RB1: variants seen among roughly 807,000 people sequenced by gnomAD.
The protein encoded by RB1 is RB transcriptional corepressor 1, also known as retinoblastoma-associated protein.
RB1 carries 18 observed loss-of-function variants against 135.4 expected under a neutral mutation model. The ratio of observed to expected loss-of-function variants is 0.13; its 90% confidence interval spans 0.09 to 0.20. The LOEUF (loss-of-function observed/expected upper bound fraction) is 0.20, where lower values mean the gene tolerates loss of function less well. Ranked by LOEUF, RB1 falls within the 10% of genes least tolerant of loss-of-function variation. RB1 has a pLI of 1.00. For missense variants in RB1, 868 were observed against 1,110.0 expected (o/e 0.78, Z 3.10); for synonymous variants, 365 against 373.2 (o/e 0.98, Z 0.25).
chr13:48,409,313 C>T (rs897750889), intron 17 of RB1, among the ~76,000 whole-genome samples: 6 of 151,532 alleles, frequency 4.0e-5, no homozygotes, highest in African/African-American at 1.5e-4. Flanking sequence ...TAAAGAAAAC[C>T]CCCCACTGTT....
chr13:48,339,442 G>T (rs557905018), intron 2 of RB1, among the ~76,000 whole-genome samples: 1 of 152,174 alleles, frequency 6.6e-6, no homozygotes, highest in Non-Finnish European at 1.5e-5. Context: ...AGCAATGAGC[G>T]AGGCTCCGTG....
intron 20 of RB1, among the ~76,000 whole-genome samples, chr13:48,461,640 T>G (rs1949405923): frequency 6.6e-6 from 1 of 152,092 alleles, no homozygotes; most frequent in African/African-American, 2.4e-5. Context: ...TTTCTCTATA[T>G]CCTCACCAAC....
At chr13:48,387,761 A>C (rs1948581490) in intron 17 of RB1, among the ~76,000 whole-genome samples, 3 of 152,180 alleles carry the variant, frequency 2.0e-5, no homozygotes, top group Admixed American at 2.0e-4. Context: ...AACTAAATTA[A>C]GTTTTAATTA....
At chr13:48,331,564 A>C (rs1952336990) in intron 2 of RB1, among the ~76,000 whole-genome samples, 2 of 152,206 alleles carry the variant, frequency 1.3e-5, no homozygotes, top group African/African-American at 2.4e-5. Flanking sequence ...CTGAGGACTC[A>C]CAGCTATTAT....
intron 4 of RB1, 140 bp downstream of exon 4, chr13:48,345,339 T>A (rs755435269): frequency 1.0e-6 from 1 of 989,564 alleles, no homozygotes; most frequent in Non-Finnish European, 1.5e-6. Context: ...GTTAGCTCAT[T>A]AATTCTTAGC....
At chr13:48,347,375 A>G (rs1952507689) in intron 4 of RB1, among the ~76,000 whole-genome samples, 1 of 152,092 alleles carries the variant, frequency 6.6e-6, no homozygotes, top group South Asian at 2.1e-4. Context: ...GAAAGGTAAG[A>G]AGGGATCAGA....
rs746596154 is a variant in RB1 at position 48,459,749 on chromosome 13, A to G, written c.2022A>G (p.Pro674=). 1 of 1,613,896 alleles carries G rather than the reference A, an allele frequency of 6.2e-7. No individual in the cohort carries two copies. Among genetic ancestry groups the G allele is most frequent in the East Asian group, 2.2e-5 (1 of 44,888 alleles). The change falls in exon 20 of 27, where the codon CCA becomes CCG. Residue 674 remains proline (P), a synonymous_variant. Transcript: ENST00000267163. ...GTGAACGCCTTCTGTCTGAGCACCC[A>G]GAATTAGAACATATCATCTGGACCC... ...TLCERLLSEH[P]ELEHIIWTLF... is the part of the protein sequence containing the mutation.
At chr13:48,324,777 G>A (rs1052707042) in intron 2 of RB1, among the ~76,000 whole-genome samples, 4 of 151,704 alleles carry the variant, frequency 2.6e-5, no homozygotes, top group Non-Finnish European at 4.4e-5. Context: ...TTTTTTTGAG[G>A]AACCTCTAAA....
intron 2 of RB1, among the ~76,000 whole-genome samples, chr13:48,338,570 G>A (rs992947860): frequency 6.6e-6 from 1 of 152,030 alleles, no homozygotes; most frequent in African/African-American, 2.4e-5. Context: ...TATTCTAGTT[G>A]GCCAGTTGTC....
intron 17 of RB1, among the ~76,000 whole-genome samples, chr13:48,383,531 A>G (rs1948552338): frequency 6.6e-6 from 1 of 152,122 alleles, no homozygotes; most frequent in Non-Finnish European, 1.5e-5. Context: ...TAATTTGCAC[A>G]TGTAACCTTA....
intron 17 of RB1, among the ~76,000 whole-genome samples, chr13:48,443,297 T>C (rs140167249): frequency 6.6e-6 from 1 of 151,896 alleles, no homozygotes; most frequent in Admixed American, 6.5e-5. Context: ...AATAAAATGT[T>C]TTAAAGAAAG....
At chr13:48,449,900 T>C (rs1949315613) in intron 17 of RB1, among the ~76,000 whole-genome samples, 1 of 152,178 alleles carries the variant, frequency 6.6e-6, no homozygotes, top group Non-Finnish European at 1.5e-5. Context: ...GTTTTAGTCA[T>C]CCAGAAGTTT....
At chr13:48,378,990 T>C (rs953226679) in intron 13 of RB1, among the ~76,000 whole-genome samples, 2 of 152,222 alleles carry the variant, frequency 1.3e-5, no homozygotes, top group African/African-American at 4.8e-5. Context: ...TAATGGGAAC[T>C]AGTTATTTGG....
chr13:48,442,363 G>A (rs1353829037), intron 17 of RB1, among the ~76,000 whole-genome samples: 1 of 152,056 alleles, frequency 6.6e-6, no homozygotes, highest in Non-Finnish European at 1.5e-5. Context: ...ACCATGCCCG[G>A]CTAATTTTTT....
chr13:48,398,028 A>C (rs1490867904), intron 17 of RB1, among the ~76,000 whole-genome samples: 1 of 152,214 alleles, frequency 6.6e-6, no homozygotes, highest in Non-Finnish European at 1.5e-5. Context: ...TTGTAAGATA[A>C]CGATTAAGCC....
chr13:48,463,974 C>A, intron 21 of RB1, 139 bp downstream of exon 21: 1 of 572,012 alleles, frequency 1.7e-6, no homozygotes, highest in Non-Finnish European at 3.1e-6. Flanking sequence ...CAAATAAAAA[C>A]TTTTATATTA....
chr13:48,313,487 A>G (rs537196650), intron 2 of RB1, among the ~76,000 whole-genome samples: 1 of 144,892 alleles, frequency 6.9e-6, no homozygotes, highest in East Asian at 2.0e-4. Context: ...TCTAAAAGTC[A>G]TATGGTTTTT....
chr13:48,436,842 C>T (rs1392373537), intron 17 of RB1, among the ~76,000 whole-genome samples: 1 of 152,162 alleles, frequency 6.6e-6, no homozygotes. Flanking sequence ...TAGGGTGGCA[C>T]AAAAACATTT....
chr13:48,377,025 T>C lies in RB1; in HGVS notation c.1323T>C (p.Ile441=), dbSNP rs1952832419. 1.9e-6 allele frequency: 3 copies of C among 1,613,540 alleles called. No homozygotes were observed. The highest frequency in any genetic ancestry group is 2.2e-5 in the East Asian group (1 of 44,794). The part of the protein sequence containing the change: ...AKAVGQGCVE[I]GSQRYKLGVR... The stretch of plus-strand genomic sequence containing the variant: ...CTGTGGGACAGGGTTGTGTCGAAAT[T>C]GGATCACAGGTAACTTGAATTCATT... The change falls in exon 13 of 27, where the codon ATT becomes ATC. Residue 441 remains isoleucine, a synonymous_variant. Transcript: ENST00000267163.
Sources: allele counts gnomAD v4.1 joint callset (sites outside exome capture counted in the v4.1 genomes callset), GRCh38; gene constraint gnomAD v4.1.1; transcripts MANE v1.5; gene names NCBI Gene and HGNC (gene_info 2026-07-23, HGNC 2026-07-21).